Variants in ATP2B1 observed in about 807,000 individuals in gnomAD.
The protein encoded by ATP2B1 is ATPase plasma membrane Ca2+ transporting 1, also known as plasma membrane calcium-transporting ATPase 1.
ATP2B1 carries 14 observed loss-of-function variants against 124.2 expected under a neutral mutation model. That is an observed-to-expected ratio of 0.11 (90% CI 0.07 to 0.18). ATP2B1 has a LOEUF of 0.18. Among genes scored for constraint, ATP2B1 ranks in the 10% least tolerant of loss-of-function variants. The pLI, the probability that ATP2B1 is intolerant of heterozygous loss-of-function variation, is 1.00. For missense variants in ATP2B1, 763 were observed against 1,466.1 expected, an observed-to-expected ratio of 0.52 and a Z score of 7.83; for synonymous variants, 449 against 492.4, an observed-to-expected ratio of 0.91 and a Z score of 1.17.
At chr12:89,608,350 T>G (rs1393480119) in intron 15 of ATP2B1, among the ~76,000 whole-genome samples, 1 of 152,016 alleles carries the variant, frequency 6.6e-6, no homozygotes, top group Non-Finnish European at 1.5e-5. Context: ...GTATGTTTTT[T>G]TTTAAAGTAG....
intron 1 of ATP2B1, among the ~76,000 whole-genome samples, chr12:89,706,345 GTTTA>G (rs1413412980): frequency 6.7e-6 from 1 of 150,234 alleles, no homozygotes; most frequent in Admixed American, 6.6e-5. Flanking sequence ...GATCCTGCGT[GTTTA>G]TTTTAGAATC....
intron 1 of ATP2B1, among the ~76,000 whole-genome samples, chr12:89,689,630 T>C (rs1890330292): frequency 6.6e-6 from 1 of 152,120 alleles, no homozygotes; most frequent in Admixed American, 6.6e-5. Flanking sequence ...TTATTCCACA[T>C]CTGGCCCATA....
intron 1 of ATP2B1, among the ~76,000 whole-genome samples, chr12:89,704,594 AT>A (rs1243278469): frequency 6.6e-6 from 1 of 152,162 alleles, no homozygotes; most frequent in Non-Finnish European, 1.5e-5. Context: ...GCCTAGACAA[AT>A]CACTTTGCCT....
In ATP2B1 at chr12:89,603,364, A is replaced by C; in HGVS notation, c.2849-110T>G. 3 of 932,294 alleles carry C rather than the reference A, an allele frequency of 3.2e-6. No individual in the cohort carries two copies. Among genetic ancestry groups the C allele is most frequent in the Non-Finnish European group, 4.7e-6 (3 of 639,692 alleles). 57.8% of individuals were successfully genotyped at this position (932,294 alleles called of 1,614,324 possible). The stretch of plus-strand genomic sequence containing the variant: ...CTTTTATTTGATCTGAAATGGCAGC[A>C]TGGAAGGAGCTAGAGAAACCTGGGA... On this transcript the variant is annotated intron_variant, in intron 17 of 20. Coordinates refer to ENST00000428670, the MANE Select transcript of ATP2B1 (RefSeq NM_001366521.1). The surrounding 1 kb of genome is among the most constrained non-coding windows in gnomAD (Gnocchi z 4.3).
intron 8 of ATP2B1, 44 bp from the exon 9 acceptor site, chr12:89,624,441 C>T (rs1880497785): frequency 6.7e-7 from 1 of 1,484,534 alleles, no homozygotes; most frequent in Non-Finnish European, 9.3e-7. Context: ...ATTAAATTTC[C>T]AGACACTAAC....
At chr12:89,646,243 G>A (rs4376957) in intron 2 of ATP2B1, among the ~76,000 whole-genome samples, 139,294 of 152,150 alleles carry the variant, frequency 0.92, 64,243 homozygotes, top group East Asian at 0.99. Flanking sequence ...CAAAACAAGT[G>A]TAGGTGTCTA....
intron 3 of ATP2B1, among the ~76,000 whole-genome samples, chr12:89,639,655 T>C (rs1325543181): frequency 6.6e-6 from 1 of 151,832 alleles, no homozygotes; most frequent in Non-Finnish European, 1.5e-5. Flanking sequence ...ATATGTTTCA[T>C]TAAGAACTTC....
chr12:89,605,684 C>A (rs1421729379), intron 15 of ATP2B1, among the ~76,000 whole-genome samples: 1 of 152,006 alleles, frequency 6.6e-6, no homozygotes, highest in Non-Finnish European at 1.5e-5. Context: ...ATGACTCCAC[C>A]AGATAAGGGA....
intron 15 of ATP2B1, 119 bp downstream of exon 15, chr12:89,609,818 C>G: frequency 1.2e-6 from 1 of 842,376 alleles, no homozygotes; most frequent in Non-Finnish European, 1.8e-6. Flanking sequence ...AATTATCCCT[C>G]GAACTAATCT....
At chr12:89,607,877 A>G (rs185769906) in intron 15 of ATP2B1, among the ~76,000 whole-genome samples, 15 of 152,318 alleles carry the variant, frequency 9.8e-5, no homozygotes, top group African/African-American at 3.6e-4. Context: ...CTGCGGATGC[A>G]GAATCCATGG....
chr12:89,677,212 C>T (rs757471276), intron 1 of ATP2B1, among the ~76,000 whole-genome samples: 5 of 152,198 alleles, frequency 3.3e-5, no homozygotes, highest in East Asian at 1.9e-4. Flanking sequence ...TATTAAACAC[C>T]TTGTATTTTA....
Position 89,591,256 on chromosome 12 carries a change from C to T in ATP2B1, c.3391G>A (p.Gly1131Arg). Residue 1131 changes from glycine (G) to arginine (R), a missense_variant, in exon 21 of 21, where the codon GGG becomes AGG. This residue lies in a region of ATP2B1 where 12 missense variants were observed against 32.0 expected (regional missense o/e 0.38). Transcript: ENST00000428670. ...VNAFRSSLYE[G>R]LEKPESRSSI... ...CTTCTTGATTCCGGTTTTTCTAACC[C>T]TTCATATAAAGAACTACGAAATGCA... is the stretch of plus-strand genomic sequence containing the variant. 2.5e-6 allele frequency: 4 copies of T among 1,612,034 alleles called. No homozygotes were observed. The East Asian group carries it at 8.9e-5, about 36-fold the overall frequency.
chr12:89,707,065 G>A (rs1892541615), intron 1 of ATP2B1, among the ~76,000 whole-genome samples: 1 of 152,098 alleles, frequency 6.6e-6, no homozygotes, highest in African/African-American at 2.4e-5. Context: ...CTCACCAGGA[G>A]GATAAAGAAA....
intron 1 of ATP2B1, among the ~76,000 whole-genome samples, chr12:89,705,290 A>T (rs1376592312): frequency 6.6e-6 from 1 of 152,090 alleles, no homozygotes; most frequent in African/African-American, 2.4e-5. Context: ...TAGTACCTTT[A>T]TTACATATCA....
At chr12:89,641,069 A>G (rs1208331420) in intron 3 of ATP2B1, among the ~76,000 whole-genome samples, 3 of 152,182 alleles carry the variant, frequency 2.0e-5, no homozygotes, top group Non-Finnish European at 2.9e-5. Flanking sequence ...TCACAAAAAT[A>G]TTTTGGTGAA....
rs1889195307 is a variant in ATP2B1, at chr12:89,680,420, GA to G, written c.-221-24314del. Among the ~76,000 whole-genome samples, 4 of 152,066 alleles carry G rather than the reference GA, an allele frequency of 2.6e-5. No individual in the cohort carries two copies. In the South Asian group the frequency reaches 8.3e-4, roughly 32 times the overall value. On this transcript the variant is annotated intron_variant, in intron 1 of 20. Coordinates refer to ENST00000428670, the MANE Select transcript of ATP2B1 (RefSeq NM_001366521.1). ...ATGACACCTGATCATTCTCAGGGAGGAAATTGAAAGAAAAAAGACAAAATTA... is the reference window on the plus strand; with the variant it reads ...ATGACACCTGATCATTCTCAGGGAGGAATTGAAAGAAAAAAGACAAAATTA...
intron 6 of ATP2B1, among the ~76,000 whole-genome samples, chr12:89,628,333 C>T (rs1214352722): frequency 7.2e-6 from 1 of 138,532 alleles, no homozygotes; most frequent in African/African-American, 2.7e-5. Flanking sequence ...ACCCGGAAGG[C>T]GGAGGTTGCA....
chr12:89,591,163 T>A lies in ATP2B1; in HGVS notation c.3484A>T (p.Ile1162Phe). The A allele has an allele frequency of 6.2e-7, 1 of 1,613,270 alleles. No homozygotes were observed. Among genetic ancestry groups the A allele is most frequent in the Non-Finnish European group, 8.5e-7 (1 of 1,179,376 alleles). The change falls in exon 21 of 21, where the codon ATT (isoleucine) becomes TTT (phenylalanine). Residue 1162 changes from isoleucine to phenylalanine, a missense_variant. Coordinates refer to ENST00000428670, the MANE Select transcript of ATP2B1 (RefSeq NM_001366521.1). ...IEDSEPHIPL[I>F]DDTDAEDDAP... ...TCATCTTCGGCATCAGTGTCATCAA[T>A]AAGGGGGATATGAGGCTCTGAATCT...
intron 1 of ATP2B1, among the ~76,000 whole-genome samples, chr12:89,665,713 C>T (rs1350256387): frequency 1.3e-5 from 2 of 152,176 alleles, no homozygotes; most frequent in Non-Finnish European, 2.9e-5. Context: ...GTTTTTCCTT[C>T]TGTTCAGGAG....
Sources: allele counts gnomAD v4.1 joint callset (sites outside exome capture counted in the v4.1 genomes callset), GRCh38; gene constraint gnomAD v4.1.1; regional missense constraint gnomAD v4.1.1; non-coding constraint Gnocchi (gnomAD v3.1); transcripts MANE v1.5; gene names NCBI Gene and HGNC (gene_info 2026-07-23, HGNC 2026-07-21).